MYH7B: variants seen among roughly 807,000 people sequenced by gnomAD.
MYH7B encodes myosin-7B.
In MYH7B, 205 loss-of-function variants were observed where a neutral mutation model predicts 234.5. The ratio of observed to expected loss-of-function variants is 0.87; its 90% confidence interval spans 0.78 to 0.98. The LOEUF (loss-of-function observed/expected upper bound fraction) is 0.98, where lower values mean the gene tolerates loss of function less well. Ranked by LOEUF, MYH7B falls within the 50% of genes least tolerant of loss-of-function variation. MYH7B has a pLI of 0.00. For missense variants in MYH7B, 2,652 were observed against 2,633.4 expected (o/e 1.01, Z -0.15); for synonymous variants, 1,193 against 1,105.0 (o/e 1.08, Z -1.58).
chr20:34,975,696 G>T (rs543671918), intron 3 of MYH7B, among the ~76,000 whole-genome samples, 197 bp downstream of exon 3: 1 of 152,212 alleles, frequency 6.6e-6, no homozygotes, highest in East Asian at 1.9e-4. Context: ...CTGTAATTTT[G>T]ATAAATATCG....
chr20:34,979,500 C>A lies in MYH7B; in HGVS notation c.198+4C>A. The A allele has an allele frequency of 6.2e-7, 1 of 1,610,568 alleles. No homozygotes were observed. Among genetic ancestry groups the A allele is most frequent in the Non-Finnish European group, 8.5e-7 (1 of 1,177,906 alleles). ...CGTGGAGACCAAAGACCAGAAGGTT[C>A]CGTTCCCCCTTTCCTGAGATTAGCC... On this transcript the variant is annotated splice_donor_region_variant and intron_variant, in intron 6 of 44. Coordinates refer to ENST00000262873, the Ensembl canonical transcript of MYH7B.
chr20:34,979,957 G>A, intron 7 of MYH7B, 153 bp downstream of exon 7: 2 of 869,396 alleles, frequency 2.3e-6, no homozygotes, highest in Admixed American at 5.2e-5. Context: ...AGCGGGGGTG[G>A]GGCTGTGAGC....
At chr20:34,987,499 G>A in intron 16 of MYH7B, 58 bp from the exon 17 acceptor site, 2 of 1,489,046 alleles carry the variant, frequency 1.3e-6, no homozygotes, top group Admixed American at 1.8e-5. Flanking sequence ...TGAGGCAGTA[G>A]AGCCCCTGAG....
At chr20:34,997,492 G>A (rs971463707) in exon 32 of MYH7B, 8 of 1,561,844 alleles carry the variant, frequency 5.1e-6, no homozygotes, top group East Asian at 2.4e-5. Context: ...GCGGCACTGC[G>A]GCGCAAGCAG....
chr20:34,994,375 A>G (rs758874304), exon 27 of MYH7B: 3 of 1,592,994 alleles, frequency 1.9e-6, no homozygotes, highest in Non-Finnish European at 2.6e-6. Flanking sequence ...CCAGGAGAAG[A>G]ATGACCTGGC....
intron 2 of MYH7B, among the ~76,000 whole-genome samples, chr20:34,974,215 C>A (rs79639624): frequency 6.6e-6 from 1 of 150,796 alleles, no homozygotes; most frequent in Non-Finnish European, 1.5e-5. Flanking sequence ...GCATGAGCCA[C>A]CATGCCCAGC....
chr20:34,997,287 G>A, exon 32 of MYH7B: 1 of 1,556,796 alleles, frequency 6.4e-7, no homozygotes. Flanking sequence ...GCTGGAGGCA[G>A]AGCGGGCAGC....
chr20:34,977,894 C>T lies in MYH7B; in HGVS notation c.-72-40C>T, dbSNP rs183066966. 1.2e-4 allele frequency: 191 copies of T among 1,610,404 alleles called. No homozygotes were observed. In the East Asian group the frequency reaches 3.6e-3, roughly 30 times the overall value. On this transcript the variant is annotated intron_variant, in intron 4 of 44. Coordinates refer to ENST00000262873, the Ensembl canonical transcript of MYH7B. ...TATCTGGTCTTGTGGGTTGGGGGAT[C>T]GTGCCCTAGTTCAGCTCCCTTGTCA...
At chr20:34,997,282 A>AGGCAGAGCG in exon 32 of MYH7B, 1 of 1,557,554 alleles carries the variant, frequency 6.4e-7, no homozygotes, top group East Asian at 2.4e-5. Context: ...GAGGAGCTGG[A>AGGCAGAGCG]GGCAGAGCGG....
At chr20:34,960,688 G>A (rs1263125490) in intron 2 of MYH7B, among the ~76,000 whole-genome samples, 1 of 152,170 alleles carries the variant, frequency 6.6e-6, no homozygotes, top group African/African-American at 2.4e-5. Flanking sequence ...CCACCTGGCT[G>A]GGGGCCACTG....
intron 12 of MYH7B, 21 bp downstream of exon 12, chr20:34,984,967 G>A (rs757244956): frequency 1.2e-6 from 2 of 1,611,238 alleles, no homozygotes; most frequent in East Asian, 4.5e-5. Flanking sequence ...GAGGTGGGAG[G>A]GGTGGCGGGG....
rs541046730 is a variant in MYH7B at position 34,982,774 on chromosome 20, T to A, written c.624+219T>A. ...GCGCCTGCCTTCGCCTTCCCATTGG[T>A]AAACATGGAGGGGTGGGGCCACGTT... On this transcript the variant is annotated intron_variant, in intron 10 of 44. Transcript: ENST00000262873. 2.0e-5 allele frequency among the ~76,000 whole-genome samples: 3 copies of A among 152,296 alleles called. No individual in the cohort carries two copies. The South Asian group carries it at 6.2e-4, about 32-fold the overall frequency.
chr20:34,988,769 A>G (rs2082082426), intron 19 of MYH7B, among the ~76,000 whole-genome samples: 1 of 151,480 alleles, frequency 6.6e-6, no homozygotes, highest in Non-Finnish European at 1.5e-5. Flanking sequence ...AGCCAGTCAC[A>G]TGACACTTAG....
chr20:34,994,508 CT>C, intron 27 of MYH7B, 107 bp downstream of exon 27: 1 of 1,338,842 alleles, frequency 7.5e-7, no homozygotes, highest in Non-Finnish European at 1.0e-6. Context: ...TTATGTCTCT[CT>C]GTTCCAAAGA....
rs376888157 is a variant in MYH7B, at chr20:34,991,113, C to G, written c.2175C>G (p.Phe725Leu). ...CCAACAGGTTGCTCTACACCGACTT[C>G]CGGCAGCGGTGGGTGACCCCTTCCC... Residue 725 changes from phenylalanine (F) to leucine (L), a missense_variant, in exon 24 of 45, where the codon TTC becomes TTG. Phe to Leu is a conservative substitution (Grantham distance 22, BLOSUM62 0). This residue lies in a region of MYH7B where 2,279 missense variants were observed against 2,211.4 expected (regional missense o/e 1.03). Coordinates refer to ENST00000262873, the Ensembl canonical transcript of MYH7B. 5 of 1,607,136 alleles carry G rather than the reference C, an allele frequency of 3.1e-6. No individual in the cohort carries two copies. In the African/African-American group the frequency reaches 4.0e-5, roughly 13 times the overall value.
At chr20:34,974,226 C>CTTTT (rs1184689535) in intron 2 of MYH7B, among the ~76,000 whole-genome samples, 2 of 123,362 alleles carry the variant, frequency 1.6e-5, no homozygotes, top group East Asian at 2.2e-4. Flanking sequence ...CATGCCCAGC[C>CTTTT]TTTTTTTTTT....
At chr20:34,999,463 G>A in intron 36 of MYH7B, 58 bp downstream of exon 36, 1 of 1,523,988 alleles carries the variant, frequency 6.6e-7, no homozygotes, top group South Asian at 1.3e-5. Flanking sequence ...GCAACTTTGA[G>A]TTATGGGGGT....
chr20:34,996,864 G>A (rs2082269438), intron 30 of MYH7B, 106 bp downstream of exon 30: 1 of 1,482,288 alleles, frequency 6.7e-7, no homozygotes, highest in Admixed American at 2.1e-5. Flanking sequence ...TTAAGGGTGG[G>A]GGTTGACAGA....
intron 28 of MYH7B, among the ~76,000 whole-genome samples, chr20:34,996,105 C>G (rs1471773236): frequency 2.0e-5 from 3 of 152,248 alleles, no homozygotes; most frequent in Non-Finnish European, 4.4e-5. Flanking sequence ...TGGCTGGCAT[C>G]TGTGGATTTC....
Sources: allele counts gnomAD v4.1 joint callset (sites outside exome capture counted in the v4.1 genomes callset), GRCh38; gene constraint gnomAD v4.1.1; regional missense constraint gnomAD v4.1.1; transcripts MANE v1.5; gene names NCBI Gene and HGNC (gene_info 2026-07-23, HGNC 2026-07-21).